AGPS: variants seen among roughly 807,000 people sequenced by gnomAD.
AGPS encodes alkylglycerone phosphate synthase.
AGPS carries 26 observed loss-of-function variants against 90.7 expected under a neutral mutation model. The ratio of observed to expected loss-of-function variants is 0.29; its 90% confidence interval spans 0.21 to 0.40. AGPS has a LOEUF of 0.40. Among genes scored for constraint, AGPS ranks in the 10% least tolerant of loss-of-function variants. The pLI is 1.00. For synonymous variants in AGPS, 294 were observed against 285.3 expected (o/e 1.03, Z -0.31); for missense variants, 540 against 816.1 (o/e 0.66, Z 4.12).
At chr2:177,429,282 A>T (rs1486504030) in intron 2 of AGPS, among the ~76,000 whole-genome samples, 1 of 152,048 alleles carries the variant, frequency 6.6e-6, no homozygotes, top group Non-Finnish European at 1.5e-5. Context: ...GAAGTTCGTT[A>T]TTACCCACCA....
At chr2:177,460,097 T>A (rs958894559) in intron 8 of AGPS, among the ~76,000 whole-genome samples, 3 of 152,110 alleles carry the variant, frequency 2.0e-5, no homozygotes, top group African/African-American at 7.2e-5. Context: ...TTCTCACTCA[T>A]AAGTGGGAGT....
At chr2:177,439,810 T>C (rs763665770) in intron 5 of AGPS, among the ~76,000 whole-genome samples, 1 of 152,194 alleles carries the variant, frequency 6.6e-6, no homozygotes, top group Non-Finnish European at 1.5e-5. Flanking sequence ...TATCAGGAGA[T>C]TGACTTTTCT....
At chr2:177,504,483 T>C (rs1688652314) in intron 14 of AGPS, among the ~76,000 whole-genome samples, 1 of 152,152 alleles carries the variant, frequency 6.6e-6, no homozygotes. Flanking sequence ...CAAGTAGTTC[T>C]AGACTAGAGC....
At chr2:177,412,006 G>T (rs1034983391) in intron 1 of AGPS, among the ~76,000 whole-genome samples, 1 of 152,146 alleles carries the variant, frequency 6.6e-6, no homozygotes, top group African/African-American at 2.4e-5. Context: ...CCCACATAAC[G>T]GTCGAGAGCT....
intron 1 of AGPS, among the ~76,000 whole-genome samples, chr2:177,419,568 A>G (rs920176725): frequency 2.6e-5 from 4 of 151,924 alleles, no homozygotes; most frequent in Admixed American, 6.6e-5. Flanking sequence ...ATTGATTTTG[A>G]TAAATAAGGA....
intron 11 of AGPS, among the ~76,000 whole-genome samples, chr2:177,483,501 A>T (rs1339887627): frequency 6.6e-6 from 1 of 152,104 alleles, no homozygotes; most frequent in Non-Finnish European, 1.5e-5. Flanking sequence ...TTTGATCTTG[A>T]TTGCTAGACT....
At chr2:177,436,648 C>T in intron 3 of AGPS, 116 bp from the exon 4 acceptor site, 3 of 978,346 alleles carry the variant, frequency 3.1e-6, no homozygotes, top group Non-Finnish European at 4.7e-6. Flanking sequence ...TCCTATGCTT[C>T]AGCCTTACTT....
At chr2:177,469,151 G>C (rs547092825) in intron 10 of AGPS, among the ~76,000 whole-genome samples, 51 of 152,198 alleles carry the variant, frequency 3.4e-4, no homozygotes, top group African/African-American at 1.1e-3. Context: ...GAATTGTATG[G>C]ATAAAGTAAA....
chr2:177,493,958 AAGG>A (rs1467076600), intron 12 of AGPS, among the ~76,000 whole-genome samples: 2 of 152,188 alleles, frequency 1.3e-5, no homozygotes, highest in African/African-American at 2.4e-5. Flanking sequence ...GGCTAAATAA[AAGG>A]AGGAGTTGAA....
intron 8 of AGPS, among the ~76,000 whole-genome samples, chr2:177,460,517 G>C (rs894744761): frequency 2.0e-5 from 3 of 152,192 alleles, no homozygotes; most frequent in Non-Finnish European, 4.4e-5. Context: ...TGTGAAGTTT[G>C]TTTTGTCATG....
intron 16 of AGPS, among the ~76,000 whole-genome samples, chr2:177,510,056 C>T (rs946886635): frequency 3.3e-5 from 5 of 152,128 alleles, no homozygotes; most frequent in Non-Finnish European, 7.4e-5. Flanking sequence ...CGTCTAAGAC[C>T]ATTGTAGTGT....
At chr2:177,512,228 T>C (rs1223762908) in intron 16 of AGPS, among the ~76,000 whole-genome samples, 1 of 152,036 alleles carries the variant, frequency 6.6e-6, no homozygotes, top group South Asian at 2.1e-4. Flanking sequence ...TAAAGACATA[T>C]TAAATATCAG....
At chr2:177,486,810 G>A (rs1346745518) in intron 11 of AGPS, among the ~76,000 whole-genome samples, 1 of 150,650 alleles carries the variant, frequency 6.6e-6, no homozygotes, top group Admixed American at 6.7e-5. Context: ...TTCTACTAAA[G>A]TCTCTCATCC....
intron 8 of AGPS, among the ~76,000 whole-genome samples, chr2:177,457,954 G>A (rs191484222): frequency 6.6e-5 from 10 of 152,160 alleles, no homozygotes; most frequent in African/African-American, 1.9e-4. Flanking sequence ...CTGGCAAACC[G>A]AACGAATCCA....
Position 177,492,027 on chromosome 2 carries a change from T to A in AGPS, c.1234-1121T>A, listed in dbSNP as rs186024413. On this transcript the variant is annotated intron_variant, in intron 11 of 19. Coordinates refer to ENST00000264167, the MANE Select transcript of AGPS (RefSeq NM_003659.4). ...TCTTGAGCTCCTGTCCTAAAGTGATTTGCCCACCTCAGCCTCACAAAGTGC... is the reference window on the plus strand; with the variant it reads ...TCTTGAGCTCCTGTCCTAAAGTGATATGCCCACCTCAGCCTCACAAAGTGC... Among the ~76,000 whole-genome samples the A allele has an allele frequency of 1.6e-3, 243 of 152,038 alleles. 1 individual carries two copies. The highest frequency in any genetic ancestry group is 0.01 in the Middle Eastern group (3 of 294).
chr2:177,394,394 G>C (rs555237812), intron 1 of AGPS, among the ~76,000 whole-genome samples: 1 of 152,288 alleles, frequency 6.6e-6, no homozygotes, highest in East Asian at 1.9e-4. Flanking sequence ...TTTGCCAAAG[G>C]GGGAAATTGT....
At chr2:177,521,159 A>G (rs1327391807) in intron 17 of AGPS, 110 bp from the exon 18 acceptor site, 2 of 970,058 alleles carry the variant, frequency 2.1e-6, no homozygotes, top group Non-Finnish European at 3.3e-6. Context: ...GAAGAAACTG[A>G]GATTATATCT....
intron 1 of AGPS, 137 bp downstream of exon 1, chr2:177,393,186 C>T: frequency 1.9e-6 from 3 of 1,543,866 alleles, no homozygotes; most frequent in African/African-American, 2.7e-5. Flanking sequence ...TAGGGACCCA[C>T]CTCTCTTTCG....
At chr2:177,503,599 A>G (rs553957520) in intron 14 of AGPS, among the ~76,000 whole-genome samples, 1 of 152,322 alleles carries the variant, frequency 6.6e-6, no homozygotes, top group Admixed American at 6.5e-5. Flanking sequence ...GTTTGAATCT[A>G]CATGCAGTCA....
Sources: allele counts gnomAD v4.1 joint callset (sites outside exome capture counted in the v4.1 genomes callset), GRCh38; gene constraint gnomAD v4.1.1; transcripts MANE v1.5; gene names NCBI Gene and HGNC (gene_info 2026-07-23, HGNC 2026-07-21).